The following USP46 variants were observed in gnomAD, a reference collection of about 807,000 sequenced individuals.
The protein encoded by USP46 is ubiquitin specific peptidase 46.
In USP46, 12 loss-of-function variants were observed where a neutral mutation model predicts 44.4. That is an observed-to-expected ratio of 0.27 (90% CI 0.17 to 0.44). USP46 has a LOEUF of 0.44. Among genes scored for constraint, USP46 ranks in the 20% least tolerant of loss-of-function variants. USP46 has a pLI of 1.00. For missense variants in USP46, 248 were observed against 444.8 expected (o/e 0.56, Z 3.98); for synonymous variants, 155 against 161.5 (o/e 0.96, Z 0.31).
intron 1 of USP46, among the ~76,000 whole-genome samples, chr4:52,639,372 C>T (rs1027160590): frequency 1.3e-5 from 2 of 152,208 alleles, no homozygotes; most frequent in African/African-American, 4.8e-5. Context: ...GGGCCTGATA[C>T]AGCTGCTCTG....
intron 5 of USP46, among the ~76,000 whole-genome samples, chr4:52,606,987 C>G (rs2109601811): frequency 6.6e-6 from 1 of 152,232 alleles, no homozygotes; most frequent in African/African-American, 2.4e-5. Flanking sequence ...GAGCCAGAGG[C>G]AGGGAGATGA....
At chr4:52,640,334 G>T (rs1242456737) in intron 1 of USP46, among the ~76,000 whole-genome samples, 1 of 152,104 alleles carries the variant, frequency 6.6e-6, no homozygotes, top group Non-Finnish European at 1.5e-5. Context: ...AGGTGAACAA[G>T]ACCAGGCCAC....
Position 52,596,687 on chromosome 4 carries a change from T to G in USP46, c.*953A>C, listed in dbSNP as rs549143322. Reference sequence around the variant, plus strand: ...TACAACGTGCTGATGGCTGGAAAGATGTAGTACCTTTGTTATTCCTGATAA... The same window carrying G: ...TACAACGTGCTGATGGCTGGAAAGAGGTAGTACCTTTGTTATTCCTGATAA... On this transcript the variant is annotated 3_prime_UTR_variant, in exon 9 of 9. Coordinates refer to ENST00000441222, the MANE Select transcript of USP46 (RefSeq NM_022832.4). 6.6e-6 allele frequency: 1 copy of G among 152,472 alleles called. No homozygotes were observed. Among genetic ancestry groups the G allele is most frequent in the Non-Finnish European group, 1.5e-5 (1 of 68,064 alleles). 9.4% of individuals were successfully genotyped at this position (152,472 alleles called of 1,614,324 possible).
At chr4:52,655,278 T>C (rs1718909633) in intron 1 of USP46, 1 of 152,214 alleles carries the variant, frequency 6.6e-6, no homozygotes, top group African/African-American at 2.4e-5. Context: ...CTGAGCCCCT[T>C]GGGGACAGGG....
At chr4:52,620,832 T>A (rs1717348400) in intron 4 of USP46, among the ~76,000 whole-genome samples, 1 of 152,254 alleles carries the variant, frequency 6.6e-6, no homozygotes, top group Admixed American at 6.5e-5. Context: ...TGCTCATAGC[T>A]GCATTGTTCA....
At position 52,593,238 on chromosome 4, in the gene USP46, G is replaced by A. The variant is rs1716098178; in HGVS notation, c.*4402C>T. 1 of 274,998 alleles carries A rather than the reference G, an allele frequency of 3.6e-6. No homozygotes were observed. The highest frequency in any genetic ancestry group is 6.7e-6 in the Non-Finnish European group (1 of 148,448). The allele number at this position is 274,998 out of a possible 1,614,324, so 17.0% of individuals were successfully genotyped here. On this transcript the variant is annotated 3_prime_UTR_variant, in exon 9 of 9. Transcript: ENST00000441222. ...CTCTAGAATTTGTGTCACCTTGGTA[G>A]TGACAGGCCTGTCCTATAAATCCCA...
In USP46 at chr4:52,658,980, G is replaced by A. The variant is rs368313441; in HGVS notation, c.36+135C>T. On this transcript the variant is annotated intron_variant, in intron 1 of 8. Coordinates refer to ENST00000441222, the MANE Select transcript of USP46 (RefSeq NM_022832.4). ...TGGCTGCGGCCGCGCGCCCAGCTCGGGGGCCGGGAACTTCTGGCGGCGCGG... is the reference window on the plus strand; with the variant it reads ...TGGCTGCGGCCGCGCGCCCAGCTCGAGGGCCGGGAACTTCTGGCGGCGCGG... 72 of 1,116,280 alleles carry A rather than the reference G, an allele frequency of 6.4e-5. No homozygotes were observed. In the East Asian group the frequency reaches 2.1e-3, roughly 33 times the overall value. The allele number at this position is 1,116,280 out of a possible 1,614,324, so 69.1% of individuals were successfully genotyped here. A position where few individuals can be genotyped will look rare whatever the true frequency, so the allele number is the denominator to read the frequency against.
At position 52,604,502 on chromosome 4, in the gene USP46, T is replaced by A; in HGVS notation, c.721A>T (p.Arg241Trp). 6.2e-7 allele frequency: 1 copy of A among 1,611,354 alleles called. No individual in the cohort carries two copies. The highest frequency in any genetic ancestry group is 2.2e-5 in the East Asian group (1 of 44,804). The change falls in exon 6 of 9, where the codon AGG (arginine) becomes TGG (tryptophan). Residue 241 changes from arginine to tryptophan, a missense_variant and splice_region_variant. Arg to Trp is a moderately radical substitution (Grantham distance 101, BLOSUM62 -3). Coordinates refer to ENST00000441222, the MANE Select transcript of USP46 (RefSeq NM_022832.4). ...TCCSKQEAQK[R>W]MRVKKLPMIL... Reference sequence around the variant, plus strand: ...ACCCTGAGCTAAATCTTTACCTACCTTTTCTGGGCTTCTTGTTTGCTGCAG... The same window carrying A: ...ACCCTGAGCTAAATCTTTACCTACCATTTCTGGGCTTCTTGTTTGCTGCAG...
chr4:52,610,545 G>A lies in USP46; in HGVS notation c.634C>T (p.Leu212=), dbSNP rs11944011. The A allele has an allele frequency of 1.9e-6, 3 of 1,613,808 alleles. No individual in the cohort carries two copies. The highest frequency in any genetic ancestry group is 3.3e-5 in the Admixed American group (2 of 60,014). The change falls in exon 5 of 9, where the codon CTA becomes TTA. Residue 212 remains leucine, a synonymous_variant. Transcript: ENST00000441222. ...ACTGCCTCAGAGTTCATATACCTTA[G>A]ACAGTGGGTAATGGATGTATTCTGC... ...VEQNTSITHC[L]RDFSNTETLC...
chr4:52,602,735 T>C (rs1250115060), intron 6 of USP46, among the ~76,000 whole-genome samples: 1 of 152,246 alleles, frequency 6.6e-6, no homozygotes, highest in Non-Finnish European at 1.5e-5. Context: ...TGGATGATGC[T>C]ACTTTCTGCT....
intron 4 of USP46, among the ~76,000 whole-genome samples, chr4:52,625,161 C>A (rs1443361291): frequency 2.6e-5 from 4 of 152,036 alleles, no homozygotes; most frequent in Non-Finnish European, 5.9e-5. Flanking sequence ...AAAATAATAC[C>A]TGACATTTAT....
chr4:52,636,705 CAAAAAAAAAAAA>C (rs1182691689), intron 1 of USP46, among the ~76,000 whole-genome samples: 5 of 36,148 alleles, frequency 1.4e-4, no homozygotes, highest in South Asian at 1.0e-3. Context: ...GACTCTGTCT[CAAAAAAAAAAAA>C]AAAAAAAAAA....
chr4:52,656,198 C>G (rs966536904), intron 1 of USP46: 1 of 1,236,668 alleles, frequency 8.1e-7, no homozygotes, highest in African/African-American at 1.5e-5. Flanking sequence ...CTTACTACAA[C>G]TACTCAAACC....
intron 2 of USP46, chr4:52,628,428 T>A (rs1717680871): frequency 5.2e-6 from 2 of 387,084 alleles, no homozygotes; most frequent in South Asian, 5.8e-5. Flanking sequence ...GCACTCTACC[T>A]CAATAAAGAG....
At chr4:52,601,730 T>C in intron 7 of USP46, 127 bp downstream of exon 7, 1 of 887,100 alleles carries the variant, frequency 1.1e-6, no homozygotes, top group Non-Finnish European at 1.6e-6. Flanking sequence ...TGATGATCAG[T>C]AAGAGTTTGG....
intron 2 of USP46, among the ~76,000 whole-genome samples, chr4:52,628,981 C>T (rs1356302053): frequency 6.6e-6 from 1 of 152,130 alleles, no homozygotes; most frequent in Non-Finnish European, 1.5e-5. Context: ...ACTATAAGAC[C>T]ACCTCTGTAG....
At chr4:52,632,985 A>AAAGAAAGAAAGAAAGAAAGAAAG (rs1553891297) in intron 1 of USP46, among the ~76,000 whole-genome samples, 111 of 53,178 alleles carry the variant, frequency 2.1e-3, no homozygotes, top group East Asian at 5.5e-3. Flanking sequence ...AGAAAGAAAG[A>AAAGAAAGAAAGAAAGAAAGAAAG]AAAGAAAAGA....
chr4:52,597,530 C>T lies in USP46; in HGVS notation c.*110G>A, dbSNP rs1716291963. 5.6e-6 allele frequency: 4 copies of T among 719,190 alleles called. No individual in the cohort carries two copies. The highest frequency in any genetic ancestry group is 9.7e-6 in the Non-Finnish European group (4 of 414,138). 44.6% of individuals were successfully genotyped at this position (719,190 alleles called of 1,614,324 possible). A position where few individuals can be genotyped will look rare whatever the true frequency, so the allele number is the denominator to read the frequency against. On this transcript the variant is annotated 3_prime_UTR_variant, in exon 9 of 9. Coordinates refer to ENST00000441222, the MANE Select transcript of USP46 (RefSeq NM_022832.4). ...CTAACACAGCCAGACCATTGAGACT[C>T]GGAGTGATACCATTAGTGGGCCACT... is the stretch of plus-strand genomic sequence containing the variant.
chr4:52,630,985 T>C (rs1429561565), intron 2 of USP46, 79 bp downstream of exon 2: 1 of 1,174,514 alleles, frequency 8.5e-7, no homozygotes, highest in South Asian at 1.4e-5. Flanking sequence ...AAATTGGTAG[T>C]GATAAAAATG....
Sources: gnomAD v4.1 joint callset for allele counts (sites outside exome capture counted in the v4.1 genomes callset) on GRCh38, gnomAD v4.1.1 for gene constraint, MANE v1.5 for transcripts, NCBI Gene and HGNC (gene_info 2026-07-23, HGNC 2026-07-21) for gene names.